The following CLIP4 variants were observed in gnomAD, a reference collection of about 807,000 sequenced individuals.
The protein encoded by CLIP4 is CAP-Gly domain-containing linker protein 4.
A neutral mutation model predicts 73.1 loss-of-function variants in CLIP4; 47 were observed. That is an observed-to-expected ratio of 0.64 (90% CI 0.51 to 0.82). The LOEUF (loss-of-function observed/expected upper bound fraction) is 0.82. CLIP4 is among the 40% of genes least tolerant of loss of function. CLIP4 has a pLI of 0.00. For missense variants in CLIP4, 874 were observed against 852.9 expected, an observed-to-expected ratio of 1.02 and a Z score of -0.31; for synonymous variants, 306 against 295.4, an observed-to-expected ratio of 1.04 and a Z score of -0.37.
At chr2:29,112,963 C>G (rs747946311), upstream of CLIP4, among the ~76,000 whole-genome samples, 1 of 152,194 alleles carries the variant, frequency 6.6e-6, no homozygotes, top group Non-Finnish European at 1.5e-5. Flanking sequence ...TTCCTGCTGC[C>G]GAGTGTCTGA....
In CLIP4 at chr2:29,119,079, C is replaced by T. The variant is rs571435618; in HGVS notation, c.-15-2295C>T. ...AAAAGGTAGAATGTTAAGTTTTTCA[C>T]GAAAATAAGGAAATGTAACTAGAGA... On this transcript the variant is annotated intron_variant, in intron 1 of 15. Coordinates refer to ENST00000320081, the MANE Select transcript of CLIP4 (RefSeq NM_024692.6). Among the ~76,000 whole-genome samples, 19 of 152,054 alleles carry T rather than the reference C, an allele frequency of 1.2e-4. No homozygotes were observed. In the South Asian group the frequency reaches 2.5e-3, roughly 20 times the overall value.
rs1187353427 is a variant in CLIP4, at chr2:29,141,066, G to A, written c.649-2643G>A. Among the ~76,000 whole-genome samples the A allele has an allele frequency of 3.9e-5, 6 of 151,964 alleles. No individual in the cohort carries two copies. The East Asian group carries it at 1.2e-3, about 29-fold the overall frequency. ...TTTCAAAGGATTTTTTTTGAATTCT[G>A]CCTTAATTTCATTGTTTACCCAAAA... On this transcript the variant is annotated intron_variant, in intron 6 of 15. Coordinates refer to ENST00000320081, the MANE Select transcript of CLIP4 (RefSeq NM_024692.6).
At chr2:29,105,476 A>G (rs1668173659) in intron 1 of CLIP4, among the ~76,000 whole-genome samples, 1 of 152,180 alleles carries the variant, frequency 6.6e-6, no homozygotes, top group South Asian at 2.1e-4. Context: ...CAGACTCCTC[A>G]GTCTTTCTCT....
In CLIP4 at chr2:29,182,050, C is replaced by A. The variant is rs1668674360; in HGVS notation, c.*157C>A. ...AATTCAGAGAGAGTTCTTTACAAAG[C>A]CATGAATATGAACTATGGGGAATCA... On this transcript the variant is annotated 3_prime_UTR_variant, in exon 16 of 16. Transcript: ENST00000320081. 2 of 576,478 alleles carry A rather than the reference C, an allele frequency of 3.5e-6. No individual in the cohort carries two copies. Among genetic ancestry groups the A allele is most frequent in the African/African-American group, 1.9e-5 (1 of 52,414 alleles). 35.7% of individuals were successfully genotyped at this position (576,478 alleles called of 1,614,324 possible). A position where few individuals can be genotyped will look rare whatever the true frequency, so the allele number is the denominator to read the frequency against.
intron 1 of CLIP4, among the ~76,000 whole-genome samples, chr2:29,102,348 C>A (rs1169248875): frequency 2.6e-5 from 4 of 152,158 alleles, no homozygotes; most frequent in Non-Finnish European, 5.9e-5. Context: ...AGGACATATA[C>A]ACAACTTTGG....
In CLIP4 at chr2:29,110,064, AT is replaced by A. The variant is rs112104160; in HGVS notation, c.-15-11309del. The stretch of plus-strand genomic sequence containing the variant: ...CAGAACAAGATTCTGTCTCAAAAAA[AT>A]AAAAAAAGAATAAACATAGAATAGC... On this transcript the variant is annotated intron_variant, in intron 1 of 14. Transcript: ENST00000401605. Among the ~76,000 whole-genome samples the A allele has an allele frequency of 5.0e-3, 757 of 152,168 alleles. 13 individuals carry two copies. The highest frequency in any genetic ancestry group is 0.017 in the African/African-American group (712 of 41,434).
chr2:29,180,372 G>C (rs1668576767), intron 15 of CLIP4, among the ~76,000 whole-genome samples: 1 of 152,112 alleles, frequency 6.6e-6, no homozygotes, highest in African/African-American at 2.4e-5. Flanking sequence ...AGTGCACTGG[G>C]GAGTCCCATG....
intron 2 of CLIP4, among the ~76,000 whole-genome samples, chr2:29,126,569 T>C (rs1402777817): frequency 2.6e-5 from 4 of 152,246 alleles, no homozygotes; most frequent in Non-Finnish European, 4.4e-5. Context: ...CTTATTGTTA[T>C]TTAAATGAGC....
rs1350614114 is a variant in CLIP4 at position 29,182,847 on chromosome 2, T to C, written c.*954T>C. On this transcript the variant is annotated 3_prime_UTR_variant, in exon 16 of 16. Transcript: ENST00000320081. ...TTTACTGTCCTTTCCTCCTGGGATA[T>C]GAGAAACATTTTAAAAAACGTATTT... 1 of 152,666 alleles carries C rather than the reference T, an allele frequency of 6.6e-6. No homozygotes were observed. The highest frequency in any genetic ancestry group is 1.5e-5 in the Non-Finnish European group (1 of 68,046). The allele number at this position is 152,666 out of a possible 1,614,324, so 9.5% of individuals were successfully genotyped here. A position where few individuals can be genotyped will look rare whatever the true frequency, so the allele number is the denominator to read the frequency against.
chr2:29,162,109 G>C (rs2148058421), intron 12 of CLIP4, among the ~76,000 whole-genome samples: 1 of 152,226 alleles, frequency 6.6e-6, no homozygotes, highest in Middle Eastern at 3.4e-3. Context: ...ATTACTATTT[G>C]TCTTTTGAGT....
chr2:29,169,651 G>A (rs1170250236), intron 14 of CLIP4, among the ~76,000 whole-genome samples: 1 of 151,906 alleles, frequency 6.6e-6, no homozygotes, highest in African/African-American at 2.4e-5. Flanking sequence ...TATTTTTGGG[G>A]TACATGTGAT....
intron 11 of CLIP4, 112 bp downstream of exon 11, chr2:29,157,459 T>C: frequency 6.4e-7 from 1 of 1,561,918 alleles, no homozygotes; most frequent in Non-Finnish European, 8.8e-7. Flanking sequence ...TCAATCAGAT[T>C]GAACTACTTT....
At chr2:29,107,366 T>TTTTTTTTTTTTTTTTTTTTGTTTTTTTTG (rs1668247230) in intron 1 of CLIP4, among the ~76,000 whole-genome samples, 1 of 107,516 alleles carries the variant, frequency 9.3e-6, no homozygotes, top group African/African-American at 4.1e-5. Context: ...TAGTTTTTTT[T>TTTTTTTTTTTTTTTTTTTTGTTTTTTTTG]TTTTTTTTTT....
chr2:29,108,333 C>T (rs895686649), intron 1 of CLIP4, among the ~76,000 whole-genome samples: 10 of 152,162 alleles, frequency 6.6e-5, no homozygotes, highest in African/African-American at 1.7e-4. Context: ...GCCTGACAGT[C>T]GATCTGATCA....
In CLIP4 at chr2:29,182,600, T is replaced by C. The variant is rs1668697038; in HGVS notation, c.*707T>C. On this transcript the variant is annotated 3_prime_UTR_variant, in exon 16 of 16. Transcript: ENST00000320081. ...GTGGGTCTCCTCACTTGTGGCCCAGTGCTCTTTCTGCTATACAAAATGTCT... is the reference window on the plus strand; with the variant it reads ...GTGGGTCTCCTCACTTGTGGCCCAGCGCTCTTTCTGCTATACAAAATGTCT... 6.6e-6 allele frequency: 1 copy of C among 152,600 alleles called. No individual in the cohort carries two copies. The highest frequency in any genetic ancestry group is 2.1e-4 in the South Asian group (1 of 4,830). 9.5% of individuals were successfully genotyped at this position (152,600 alleles called of 1,614,324 possible).
At chr2:29,179,333 G>A (rs1016538440) in intron 15 of CLIP4, among the ~76,000 whole-genome samples, 2 of 152,134 alleles carry the variant, frequency 1.3e-5, no homozygotes, top group African/African-American at 4.8e-5. Flanking sequence ...TTACGACAGA[G>A]CCACATTGTT....
chr2:29,161,596 T>TA (rs758983189), intron 12 of CLIP4, among the ~76,000 whole-genome samples: 4 of 152,166 alleles, frequency 2.6e-5, no homozygotes, highest in Non-Finnish European at 5.9e-5. Context: ...CTCACAGTCA[T>TA]AGCAGTAGCC....
intron 13 of CLIP4, among the ~76,000 whole-genome samples, chr2:29,164,346 A>G (rs1225104515): frequency 6.6e-6 from 1 of 152,204 alleles, no homozygotes; most frequent in African/African-American, 2.4e-5. Context: ...ATTCTCCTAC[A>G]AACCTAATGG....
chr2:29,133,510 A>G (rs1665128724), intron 4 of CLIP4, 145 bp from the exon 5 acceptor site: 1 of 612,504 alleles, frequency 1.6e-6, no homozygotes, highest in Non-Finnish European at 2.7e-6. Flanking sequence ...TTATTTTCTT[A>G]GGATCAATTC....
Sources: gnomAD v4.1 joint callset for allele counts (sites outside exome capture counted in the v4.1 genomes callset) on GRCh38, gnomAD v4.1.1 for gene constraint, MANE v1.5 for transcripts, NCBI Gene and HGNC (gene_info 2026-07-23, HGNC 2026-07-21) for gene names.